Variants in RBM20 observed in about 807,000 individuals in gnomAD.
The protein encoded by RBM20 is RNA-binding protein 20.
A neutral mutation model predicts 110.1 loss-of-function variants in RBM20; 51 were observed. The ratio of observed to expected loss-of-function variants is 0.46; its 90% CI spans 0.37 to 0.59. The LOEUF (loss-of-function observed/expected upper bound fraction) is 0.59. Among genes scored for constraint, RBM20 ranks in the 20% least tolerant of loss-of-function variants. RBM20 has a pLI of 0.00. For missense variants in RBM20, 1,512 were observed against 1,574.9 expected (o/e 0.96, Z 0.68); for synonymous variants, 589 against 618.2 (o/e 0.95, Z 0.70).
intron 1 of RBM20, among the ~76,000 whole-genome samples, chr10:110,663,173 G>T (rs149293093): frequency 6.6e-6 from 1 of 151,828 alleles, no homozygotes; most frequent in Non-Finnish European, 1.5e-5. Context: ...GCCCAGACTG[G>T]TCTCGACCTC....
At chr10:110,736,672 T>C (rs1843673888) in intron 1 of RBM20, among the ~76,000 whole-genome samples, 1 of 152,150 alleles carries the variant, frequency 6.6e-6, no homozygotes, top group South Asian at 2.1e-4. Flanking sequence ...AAACACCCTG[T>C]GGGCCTATTG....
At position 110,781,514 on chromosome 10, in the gene RBM20, G is replaced by C; in HGVS notation, c.905G>C (p.Gly302Ala). Residue 302 changes from glycine (G) to alanine (A), a missense_variant, in exon 2 of 14, where the codon GGG (glycine) becomes GCG (alanine). This residue lies in a region of RBM20 where 1,149 missense variants were observed against 1,169.4 expected (regional missense o/e 0.98). Transcript: ENST00000369519. ...AGCGGATTTCCAGCTGAGCAGGCTGGGGGCCTGAAAAGTGAGGTCGGGCCA... is the reference window on the plus strand; with the variant it reads ...AGCGGATTTCCAGCTGAGCAGGCTGCGGGCCTGAAAAGTGAGGTCGGGCCA... ...VASGFPAEQA[G>A]GLKSEVGPLL... The C allele has an allele frequency of 6.4e-7, 1 of 1,551,654 alleles. No individual in the cohort carries two copies. The highest frequency in any genetic ancestry group is 8.7e-7 in the Non-Finnish European group (1 of 1,146,992).
chr10:110,724,472 T>G (rs984439036), intron 1 of RBM20, among the ~76,000 whole-genome samples: 5 of 152,320 alleles, frequency 3.3e-5, no homozygotes, highest in Non-Finnish European at 7.3e-5. Flanking sequence ...CTGAGAGTGC[T>G]TCGTCAAGAT....
At chr10:110,675,358 C>G (rs1862324669) in intron 1 of RBM20, among the ~76,000 whole-genome samples, 1 of 152,200 alleles carries the variant, frequency 6.6e-6, no homozygotes, top group Non-Finnish European at 1.5e-5. Context: ...TCCTTGAGAT[C>G]ATGGCCTTTA....
At chr10:110,751,977 C>A (rs1334153596) in intron 1 of RBM20, among the ~76,000 whole-genome samples, 1 of 152,068 alleles carries the variant, frequency 6.6e-6, no homozygotes, top group Non-Finnish European at 1.5e-5. Context: ...CACACAGCCT[C>A]CCCTATGGCC....
At chr10:110,682,167 C>T (rs1266109351) in intron 1 of RBM20, among the ~76,000 whole-genome samples, 2 of 152,216 alleles carry the variant, frequency 1.3e-5, no homozygotes, top group African/African-American at 4.8e-5. Context: ...GCTGGGATTA[C>T]AGGCGTGAGC....
chr10:110,747,340 C>T (rs1379714864), intron 1 of RBM20, among the ~76,000 whole-genome samples: 1 of 151,972 alleles, frequency 6.6e-6, no homozygotes, highest in Non-Finnish European at 1.5e-5. Flanking sequence ...GCTTCTCAAC[C>T]CCCTTCAGAT....
At chr10:110,829,708 A>G (rs1323023583) in intron 12 of RBM20, among the ~76,000 whole-genome samples, 1 of 152,158 alleles carries the variant, frequency 6.6e-6, no homozygotes, top group African/African-American at 2.4e-5. Context: ...TGGGAGGAGG[A>G]AAGTGAAGCC....
chr10:110,818,827 A>C (rs1049688766), intron 9 of RBM20, among the ~76,000 whole-genome samples: 1 of 152,264 alleles, frequency 6.6e-6, no homozygotes, highest in Non-Finnish European at 1.5e-5. Context: ...AGATAAAAAT[A>C]AAGTCACCTG....
intron 1 of RBM20, among the ~76,000 whole-genome samples, chr10:110,655,329 C>T (rs1862006654): frequency 8.5e-6 from 1 of 117,112 alleles, no homozygotes; most frequent in South Asian, 2.8e-4. Flanking sequence ...AAAGTGAAAT[C>T]TATATCCCAA....
At chr10:110,781,976 C>CTGT in intron 2 of RBM20, 92 bp downstream of exon 2, 1 of 1,466,244 alleles carries the variant, frequency 6.8e-7, no homozygotes, top group Non-Finnish European at 9.3e-7. Flanking sequence ...GGGCAAGGAA[C>CTGT]TGTTGCATTG....
chr10:110,827,067 C>G (rs1473007176), intron 12 of RBM20, among the ~76,000 whole-genome samples: 1 of 151,954 alleles, frequency 6.6e-6, no homozygotes, highest in Non-Finnish European at 1.5e-5. Flanking sequence ...TCATTGGTCC[C>G]CGAAGGAAGA....
chr10:110,775,942 T>A (rs1389861143), intron 1 of RBM20, among the ~76,000 whole-genome samples: 2 of 152,182 alleles, frequency 1.3e-5, no homozygotes, highest in Non-Finnish European at 2.9e-5. Flanking sequence ...GCCAGCATCT[T>A]CTGAGTTGGC....
chr10:110,652,930 A>C (rs573683825), intron 1 of RBM20, among the ~76,000 whole-genome samples: 1 of 152,100 alleles, frequency 6.6e-6, no homozygotes, highest in African/African-American at 2.4e-5. Context: ...CCCACACGGG[A>C]CTTTTATGGG....
chr10:110,815,594 C>T (rs1327404678), intron 9 of RBM20, among the ~76,000 whole-genome samples: 1 of 152,148 alleles, frequency 6.6e-6, no homozygotes, highest in Non-Finnish European at 1.5e-5. Context: ...CATGTGGATA[C>T]CACCAGCCTG....
chr10:110,755,303 T>C (rs534124849), intron 1 of RBM20, among the ~76,000 whole-genome samples: 2 of 152,142 alleles, frequency 1.3e-5, no homozygotes, highest in Non-Finnish European at 2.9e-5. Flanking sequence ...CCTTACCCCT[T>C]TGATGTCTGC....
chr10:110,648,107 A>C (rs1861894991), intron 1 of RBM20, among the ~76,000 whole-genome samples: 1 of 152,232 alleles, frequency 6.6e-6, no homozygotes, highest in Non-Finnish European at 1.5e-5. Context: ...TTTTTTAAGC[A>C]GTGAATAAAA....
intron 1 of RBM20, among the ~76,000 whole-genome samples, chr10:110,738,388 G>A (rs1259864626): frequency 1.3e-5 from 2 of 152,200 alleles, no homozygotes; most frequent in African/African-American, 2.4e-5. Context: ...TGCTGCCTGG[G>A]AAAATGTTGA....
chr10:110,826,583 CTTT>C (rs35918856), intron 12 of RBM20, among the ~76,000 whole-genome samples: 193 of 140,924 alleles, frequency 1.4e-3, no homozygotes, highest in Middle Eastern at 3.7e-3. Flanking sequence ...CATTCTTCTT[CTTT>C]TTTTTTTTTT....
Sources: gnomAD v4.1 joint callset for allele counts (sites outside exome capture counted in the v4.1 genomes callset) on GRCh38, gnomAD v4.1.1 for gene constraint, gnomAD v4.1.1 regional missense constraint, MANE v1.5 for transcripts, NCBI Gene and HGNC (gene_info 2026-07-23, HGNC 2026-07-21) for gene names.